The following PDE4D variants were observed in gnomAD, a reference collection of about 807,000 sequenced individuals.
The protein encoded by PDE4D is 3',5'-cyclic-AMP phosphodiesterase 4D.
A neutral mutation model predicts 87.4 loss-of-function variants in PDE4D; 24 were observed. The ratio of observed to expected loss-of-function variants is 0.27; its 90% CI spans 0.20 to 0.39. PDE4D has a LOEUF of 0.39. PDE4D is among the 10% of genes least tolerant of loss of function. The pLI is 1.00. For synonymous variants in PDE4D, 384 were observed against 383.2 expected, an observed-to-expected ratio of 1.00 and a Z score of -0.02; for missense variants, 714 against 1,041.0, an observed-to-expected ratio of 0.69 and a Z score of 4.32.
chr5:60,177,737 G>A (rs1446536123), intron 2 of PDE4D, among the ~76,000 whole-genome samples: 2 of 152,128 alleles, frequency 1.3e-5, no homozygotes, highest in Non-Finnish European at 2.9e-5. Flanking sequence ...GGAGTTGAAA[G>A]AAATCTTTTC....
chr5:60,121,995 T>C (rs1325594937), intron 2 of PDE4D, among the ~76,000 whole-genome samples: 2 of 152,122 alleles, frequency 1.3e-5, no homozygotes, highest in Admixed American at 6.5e-5. Flanking sequence ...ACAGGGCCCA[T>C]GCAAGCTCAA....
chr5:60,448,906 C>T (rs1745865413), intron 1 of PDE4D, among the ~76,000 whole-genome samples: 1 of 152,054 alleles, frequency 6.6e-6, no homozygotes, highest in Admixed American at 6.6e-5. Context: ...TATATTAAGC[C>T]TGAAATGGAA....
At chr5:59,141,009 G>T (rs1337222775) in intron 5 of PDE4D, among the ~76,000 whole-genome samples, 1 of 152,164 alleles carries the variant, frequency 6.6e-6, no homozygotes, top group East Asian at 1.9e-4. Flanking sequence ...CCAAAGAGAA[G>T]AGTTAAAAAC....
chr5:59,276,483 C>G (rs1320656602), intron 1 of PDE4D, among the ~76,000 whole-genome samples: 1 of 152,148 alleles, frequency 6.6e-6, no homozygotes, highest in Non-Finnish European at 1.5e-5. Context: ...AACTTGATGA[C>G]TTAGCAGCTG....
intron 1 of PDE4D, among the ~76,000 whole-genome samples, chr5:60,199,598 A>T (rs573647586): frequency 1.3e-5 from 2 of 151,874 alleles, no homozygotes; most frequent in South Asian, 4.2e-4. Context: ...AAGGACAATG[A>T]TGCTTGAGAA....
chr5:60,073,030 C>T (rs891898370), intron 2 of PDE4D, among the ~76,000 whole-genome samples: 1 of 152,000 alleles, frequency 6.6e-6, no homozygotes, highest in African/African-American at 2.4e-5. Context: ...TAGCTCTGGC[C>T]AGGACTTAAA....
intron 1 of PDE4D, among the ~76,000 whole-genome samples, chr5:59,476,787 C>T (rs1053904592): frequency 6.6e-6 from 1 of 152,038 alleles, no homozygotes; most frequent in Non-Finnish European, 1.5e-5. Context: ...TTCATGATGG[C>T]AGAAAGGAGA....
chr5:59,071,682 TC>T (rs770703484), intron 5 of PDE4D, among the ~76,000 whole-genome samples: 19 of 100,384 alleles, frequency 1.9e-4, no homozygotes, highest in Non-Finnish European at 3.1e-4. Context: ...TTATTTCTCT[TC>T]TTTTTTTTTT....
At chr5:60,290,039 T>C (rs1231799613) in intron 1 of PDE4D, among the ~76,000 whole-genome samples, 1 of 152,206 alleles carries the variant, frequency 6.6e-6, no homozygotes, top group Non-Finnish European at 1.5e-5. Flanking sequence ...CAAGATATGA[T>C]TGCTGCATCA....
At chr5:59,587,556 T>A in intron 1 of PDE4D, 1 of 985,438 alleles carries the variant, frequency 1.0e-6, no homozygotes, top group Non-Finnish European at 1.2e-6. Context: ...TTGTCTGCCC[T>A]GGGCTGTGCC....
chr5:59,695,749 G>A (rs901388229), intron 1 of PDE4D, among the ~76,000 whole-genome samples: 8 of 152,006 alleles, frequency 5.3e-5, no homozygotes, highest in Non-Finnish European at 1.0e-4. Context: ...CTACAGACAT[G>A]AGCCACCACA....
intron 2 of PDE4D, among the ~76,000 whole-genome samples, chr5:60,142,655 C>T (rs866495632): frequency 6.6e-6 from 1 of 152,132 alleles, no homozygotes; most frequent in African/African-American, 2.4e-5. Context: ...TAGTATTATA[C>T]ACAAAGGGGA....
chr5:60,189,782 A>G lies in PDE4D; in HGVS notation c.-89-4095T>C, dbSNP rs545708144. ...AGCCACTCAGATGCATTGGTTTTAA[A>G]AAGTTTATTGAGCACCTTATATGTG... On this transcript the variant is annotated intron_variant, in intron 1 of 16. Transcript: ENST00000502484. 4.6e-5 allele frequency among the ~76,000 whole-genome samples: 7 copies of G among 152,348 alleles called. No homozygotes were observed. The East Asian group carries it at 7.7e-4, about 17-fold the overall frequency.
At chr5:59,298,360 C>A (rs1769505595) in intron 1 of PDE4D, among the ~76,000 whole-genome samples, 1 of 152,214 alleles carries the variant, frequency 6.6e-6, no homozygotes, top group Admixed American at 6.5e-5. Flanking sequence ...AAGTGATCCA[C>A]CCATTTCAGT....
chr5:59,961,725 G>A (rs1051594153), intron 3 of PDE4D, among the ~76,000 whole-genome samples: 10 of 152,136 alleles, frequency 6.6e-5, no homozygotes, highest in African/African-American at 2.2e-4. Flanking sequence ...AAAATAAATA[G>A]TATAGGTGTG....
intron 1 of PDE4D, among the ~76,000 whole-genome samples, chr5:59,229,559 T>C (rs780306828): frequency 5.9e-5 from 9 of 152,118 alleles, no homozygotes; most frequent in Non-Finnish European, 1.3e-4. Context: ...GGGTCTGCTT[T>C]CAGAAAAATA....
At chr5:59,042,826 T>C (rs1166658554) in intron 5 of PDE4D, among the ~76,000 whole-genome samples, 1 of 152,168 alleles carries the variant, frequency 6.6e-6, no homozygotes, top group African/African-American at 2.4e-5. Flanking sequence ...CACAGTGATA[T>C]GCTTAGAGGT....
chr5:59,866,466 T>C (rs1581494340), intron 1 of PDE4D, among the ~76,000 whole-genome samples: 1 of 152,162 alleles, frequency 6.6e-6, no homozygotes, highest in East Asian at 1.9e-4. Context: ...AAAGAAAATC[T>C]CAAACAAAAT....
intron 11 of PDE4D, among the ~76,000 whole-genome samples, chr5:58,983,208 C>T (rs1292221181): frequency 6.6e-6 from 1 of 152,222 alleles, no homozygotes; most frequent in Non-Finnish European, 1.5e-5. Context: ...GTGGTACCTG[C>T]GTATCACGCA....
Sources: allele counts gnomAD v4.1 joint callset (sites outside exome capture counted in the v4.1 genomes callset), GRCh38; gene constraint gnomAD v4.1.1; transcripts MANE v1.5; gene names NCBI Gene and HGNC (gene_info 2026-07-23, HGNC 2026-07-21).